Variants in ROR2 observed in about 807,000 individuals in gnomAD.
ROR2 encodes the protein ROR family WNT receptor 2.
Under a neutral mutation model 74.9 loss-of-function variants are expected in ROR2, and 33 were observed. That is an observed-to-expected ratio of 0.44 (90% CI 0.33 to 0.59). The LOEUF is 0.59. Ranked by LOEUF, ROR2 falls within the 20% of genes least tolerant of loss-of-function variation. The pLI, the probability that ROR2 is intolerant of heterozygous loss-of-function variation, is 0.02. For synonymous variants in ROR2, 586 were observed against 558.7 expected (o/e 1.05, Z -0.69); for missense variants, 1,216 against 1,313.8 (o/e 0.93, Z 1.15).
In ROR2 at chr9:91,724,838, G is replaced by A; in HGVS notation, c.1656C>T (p.Ile552=). 1 of 1,605,038 alleles carries A rather than the reference G, an allele frequency of 6.2e-7. No individual in the cohort carries two copies. Among genetic ancestry groups the A allele is most frequent in the Non-Finnish European group, 8.5e-7 (1 of 1,174,238 alleles). Residue 552 remains isoleucine (I), a synonymous_variant, in exon 9 of 9, where the codon ATC becomes ATT. Transcript: ENST00000375708. ...VVTKDQPLSM[I]FSYCSHGDLH... is the part of the protein sequence containing the mutation. Reference sequence around the variant, plus strand: ...GGTCGCCGTGCGAACAGTAGCTGAAGATCATGCTCAGGGGCTGGTCCTTGG... The same window carrying A: ...GGTCGCCGTGCGAACAGTAGCTGAAAATCATGCTCAGGGGCTGGTCCTTGG...
intron 1 of ROR2, among the ~76,000 whole-genome samples, chr9:91,784,032 T>C (rs9409657): frequency 0.96 from 146,883 of 152,236 alleles, 70,911 homozygotes; most frequent in East Asian, 1. Context: ...ACCGCTCCCC[T>C]GAAAGCCAAC....
intron 1 of ROR2, among the ~76,000 whole-genome samples, chr9:91,908,179 C>A (rs1363514661): frequency 1.3e-5 from 2 of 152,182 alleles, no homozygotes; most frequent in African/African-American, 4.8e-5. Flanking sequence ...TGGTTTCCAT[C>A]TTGGTCACAT....
chr9:91,874,872 T>C (rs530532085), intron 1 of ROR2, among the ~76,000 whole-genome samples: 1 of 150,654 alleles, frequency 6.6e-6, no homozygotes, highest in Non-Finnish European at 1.5e-5. Context: ...GAGGTGGAGG[T>C]TGCAGTGAGC....
Position 91,892,642 on chromosome 9 carries a change from T to G in ROR2, c.97+57225A>C, listed in dbSNP as rs147310770. The stretch of plus-strand genomic sequence containing the variant: ...GTCTTGCTCTGTTGCCAGGCTGGAG[T>G]GCAGTGGTGTGATCTCAGCTCACTG... On this transcript the variant is annotated intron_variant, in intron 1 of 8. Transcript: ENST00000375708. 6.4e-3 allele frequency among the ~76,000 whole-genome samples: 918 copies of G among 144,540 alleles called. 5 individuals carry two copies. Among genetic ancestry groups the G allele is most frequent in the African/African-American group, 0.022 (859 of 38,424 alleles). The allele number at this position is 144,540 out of a possible 152,430, so 94.8% of individuals were successfully genotyped here.
intron 1 of ROR2, among the ~76,000 whole-genome samples, chr9:91,911,907 C>G (rs530155473): frequency 6.8e-6 from 1 of 147,086 alleles, no homozygotes; most frequent in Non-Finnish European, 1.5e-5. Flanking sequence ...TGTCTTCCTG[C>G]CCAGTGTCCA....
intron 1 of ROR2, among the ~76,000 whole-genome samples, chr9:91,802,202 T>C (rs960048592): frequency 1.3e-5 from 2 of 151,338 alleles, no homozygotes; most frequent in Non-Finnish European, 2.9e-5. Context: ...GTCTTCCAGG[T>C]AGCTGGGACT....
At chr9:91,822,944 G>A (rs1183438009) in intron 1 of ROR2, among the ~76,000 whole-genome samples, 1 of 152,214 alleles carries the variant, frequency 6.6e-6, no homozygotes, top group African/African-American at 2.4e-5. Flanking sequence ...AAGGGAGACA[G>A]TAAGAAACAT....
intron 4 of ROR2, among the ~76,000 whole-genome samples, chr9:91,741,185 A>G (rs961366813): frequency 5.3e-5 from 8 of 151,962 alleles, no homozygotes; most frequent in Non-Finnish European, 1.2e-4. Flanking sequence ...CTGTAGTCCC[A>G]GCTACTCGGG....
At chr9:91,870,666 A>G (rs1829770399) in intron 1 of ROR2, among the ~76,000 whole-genome samples, 1 of 152,268 alleles carries the variant, frequency 6.6e-6, no homozygotes, top group African/African-American at 2.4e-5. Context: ...CAAATAAAGT[A>G]CTAAATGTTG....
rs562934526 is a variant in ROR2 at position 91,851,552 on chromosome 9, T to C, written c.98-75734A>G. ...GGTTCTTCTTGCTCATTTTCAGTTC[T>C]ACGTGGACTTCAGAAACAGCAAGCC... On this transcript the variant is annotated intron_variant, in intron 1 of 8. Coordinates refer to ENST00000375708, the MANE Select transcript of ROR2 (RefSeq NM_004560.4). 1.2e-4 allele frequency among the ~76,000 whole-genome samples: 18 copies of C among 152,342 alleles called. No homozygotes were observed. In the South Asian group the frequency reaches 3.5e-3, roughly 30 times the overall value.
rs567911496 is a variant in ROR2 at position 91,815,004 on chromosome 9, G to C, written c.98-39186C>G. Among the ~76,000 whole-genome samples the C allele has an allele frequency of 2.0e-5, 3 of 152,306 alleles. No individual in the cohort carries two copies. In the East Asian group the frequency reaches 5.8e-4, roughly 29 times the overall value. ...AAGCACCTGCAAGTGATTGTCCCCA[G>C]CAATGACTCAGAGGTGTGCCCTCTC... On this transcript the variant is annotated intron_variant, in intron 1 of 8. Coordinates refer to ENST00000375708, the MANE Select transcript of ROR2 (RefSeq NM_004560.4).
intron 2 of ROR2, among the ~76,000 whole-genome samples, chr9:91,766,530 T>C (rs1826064718): frequency 6.6e-6 from 1 of 152,198 alleles, no homozygotes; most frequent in South Asian, 2.1e-4. Flanking sequence ...ACGTCATCGA[T>C]TCTCTAGGGG....
At chr9:91,834,241 G>C (rs561213084) in intron 1 of ROR2, among the ~76,000 whole-genome samples, 1 of 152,130 alleles carries the variant, frequency 6.6e-6, no homozygotes, top group Non-Finnish European at 1.5e-5. Context: ...CCTGAGCATC[G>C]CTGGGTGGAC....
In ROR2 at chr9:91,737,374, A is replaced by G. The variant is rs774032802; in HGVS notation, c.622+17T>C. 5 of 1,613,920 alleles carry G rather than the reference A, an allele frequency of 3.1e-6. No individual in the cohort carries two copies. The highest frequency in any genetic ancestry group is 1.7e-5 in the Admixed American group (1 of 59,982). ...GTGCATGCTTATCATCCTGGGAGAA[A>G]GGTCTGCAGCTCCTACCTGTGATTC... On this transcript the variant is annotated intron_variant, in intron 5 of 8. Coordinates refer to ENST00000375708, the MANE Select transcript of ROR2 (RefSeq NM_004560.4).
intron 4 of ROR2, among the ~76,000 whole-genome samples, chr9:91,742,350 G>A (rs1825282564): frequency 6.6e-6 from 1 of 152,148 alleles, no homozygotes; most frequent in Admixed American, 6.5e-5. Context: ...TGGGAATTCT[G>A]GGAGATACAA....
At chr9:91,913,859 C>G (rs1322943560) in intron 1 of ROR2, among the ~76,000 whole-genome samples, 1 of 152,100 alleles carries the variant, frequency 6.6e-6, no homozygotes, top group Non-Finnish European at 1.5e-5. Flanking sequence ...GTCTCAGTTT[C>G]CCAACATGAA....
chr9:91,943,873 ATAAAC>A (rs1831944402), intron 1 of ROR2, among the ~76,000 whole-genome samples: 1 of 152,232 alleles, frequency 6.6e-6, no homozygotes, highest in African/African-American at 2.4e-5. Context: ...AAAAATGAGA[ATAAAC>A]TAATAGAAAG....
intron 1 of ROR2, among the ~76,000 whole-genome samples, chr9:91,799,481 A>G (rs998190998): frequency 2.0e-5 from 3 of 152,154 alleles, no homozygotes; most frequent in Non-Finnish European, 4.4e-5. Context: ...AAATGCAGCT[A>G]TAACGGAGTC....
chr9:91,834,968 G>A (rs992617544), intron 1 of ROR2, among the ~76,000 whole-genome samples: 5 of 152,064 alleles, frequency 3.3e-5, no homozygotes, highest in African/African-American at 9.6e-5. Context: ...GCACAGGAAT[G>A]CACCCTGCCT....
Sources: gnomAD v4.1 joint callset for allele counts (sites outside exome capture counted in the v4.1 genomes callset) on GRCh38, gnomAD v4.1.1 for gene constraint, MANE v1.5 for transcripts, NCBI Gene and HGNC (gene_info 2026-07-23, HGNC 2026-07-21) for gene names.